Variants in BOD1L1 observed in about 807,000 individuals in gnomAD.
BOD1L1 encodes biorientation of chromosomes in cell division protein 1-like 1.
BOD1L1 carries 86 observed loss-of-function variants against 240.7 expected under a neutral mutation model. The observed-to-expected ratio is 0.36, with a 90% confidence interval of 0.30 to 0.43. The LOEUF (loss-of-function observed/expected upper bound fraction) is 0.43. Ranked by LOEUF, BOD1L1 falls within the 20% of genes least tolerant of loss-of-function variation. The pLI, the probability that BOD1L1 is intolerant of heterozygous loss-of-function variation, is 1.00. For missense variants in BOD1L1, 3,554 were observed against 3,643.5 expected (o/e 0.98, Z 0.63); for synonymous variants, 1,268 against 1,272.3 (o/e 1.00, Z 0.07).
intron 17 of BOD1L1, among the ~76,000 whole-genome samples, chr4:13,584,441 A>AGAGAGTGT (rs1476066597): frequency 7.4e-6 from 1 of 134,814 alleles, no homozygotes. Context: ...AGAGAGAGAG[A>AGAGAGTGT]GTGTGTGTGT....
rs146851614 is a variant in BOD1L1, at chr4:13,591,547, C to G, written c.8148+376G>C. Among the ~76,000 whole-genome samples the G allele has an allele frequency of 6.2e-4, 95 of 152,276 alleles. 1 individual carries two copies. In the East Asian group the frequency reaches 0.018, roughly 28 times the overall value. ...TCTGGGAAAAAATATGTACACATAGCAGTTACAGGTTAGTATCTTGAGAAA... is the reference window on the plus strand; with the variant it reads ...TCTGGGAAAAAATATGTACACATAGGAGTTACAGGTTAGTATCTTGAGAAA... On this transcript the variant is annotated intron_variant, in intron 13 of 25. Coordinates refer to ENST00000040738, the MANE Select transcript of BOD1L1 (RefSeq NM_148894.3).
chr4:13,577,798 A>T, intron 22 of BOD1L1, 167 bp from the exon 23 acceptor site: 1 of 464,478 alleles, frequency 2.2e-6, no homozygotes, highest in Non-Finnish European at 3.8e-6. Flanking sequence ...CCTAGCAGAG[A>T]TCACATTGGA....
Position 13,590,409 on chromosome 4 carries a change from T to A in BOD1L1, c.8186A>T (p.His2729Leu), listed in dbSNP as rs147488691. Residue 2729 changes from histidine (H) to leucine (L), a missense_variant, in exon 14 of 26, where the codon CAT becomes CTT. By Grantham distance (99) the His-to-Leu change is moderately conservative. Transcript: ENST00000040738. ...NSGFRTNEEIHSESYNKGEIS... is the reference protein window; with the variant it reads ...NSGFRTNEEILSESYNKGEIS... Reference sequence around the variant, plus strand: ...ACCTCCTTTGTTATAAGATTCGCTATGAATTTCTTCATTTGTTCTGAAGCC... The same window carrying A: ...ACCTCCTTTGTTATAAGATTCGCTAAGAATTTCTTCATTTGTTCTGAAGCC... 1.3e-6 allele frequency: 2 copies of A among 1,516,472 alleles called. No individual in the cohort carries two copies. Among genetic ancestry groups the A allele is most frequent in the East Asian group, 2.3e-5 (1 of 43,112 alleles). The allele number at this position is 1,516,472 out of a possible 1,614,324, so 93.9% of individuals were successfully genotyped here.
chr4:13,615,202 T>G (rs1456698879), intron 3 of BOD1L1, 110 bp downstream of exon 3: 2 of 1,127,056 alleles, frequency 1.8e-6, no homozygotes, highest in Non-Finnish European at 2.5e-6. Flanking sequence ...AAGTACAATT[T>G]CATTGGAATA....
At chr4:13,570,533 G>C (rs995638248) in intron 25 of BOD1L1, among the ~76,000 whole-genome samples, 2 of 152,206 alleles carry the variant, frequency 1.3e-5, no homozygotes, top group Non-Finnish European at 2.9e-5. Context: ...CTGCAATCTA[G>C]GTTGGACCAA....
At chr4:13,584,430 AAG>A (rs776383948) in intron 17 of BOD1L1, among the ~76,000 whole-genome samples, 110 of 109,994 alleles carry the variant, frequency 1.0e-3, no homozygotes, top group African/African-American at 2.9e-3. Context: ...CGGGGAGAGA[AAG>A]AGAGAGAGAG....
chr4:13,578,986 G>C (rs1458693395), intron 22 of BOD1L1, among the ~76,000 whole-genome samples: 1 of 152,192 alleles, frequency 6.6e-6, no homozygotes, highest in Non-Finnish European at 1.5e-5. Context: ...GTAAAGATTA[G>C]TTCAATGCAC....
At chr4:13,582,165 A>G (rs1713283822) in intron 19 of BOD1L1, 72 bp downstream of exon 19, 1 of 1,273,476 alleles carries the variant, frequency 7.9e-7, no homozygotes, top group African/African-American at 1.5e-5. Context: ...TCAAGATAAC[A>G]GTATTTAATG....
intron 17 of BOD1L1, among the ~76,000 whole-genome samples, chr4:13,583,316 A>T (rs932981243): frequency 6.6e-6 from 1 of 152,232 alleles, no homozygotes; most frequent in African/African-American, 2.4e-5. Context: ...GATCAAGATG[A>T]AATAGGAAAC....
intron 17 of BOD1L1, among the ~76,000 whole-genome samples, chr4:13,583,472 CG>C (rs1280003765): frequency 1.3e-5 from 2 of 152,132 alleles, no homozygotes; most frequent in African/African-American, 4.8e-5. Context: ...CCCTCACCCC[CG>C]ATTTCCCTAC....
intron 6 of BOD1L1, 139 bp from the exon 7 acceptor site, chr4:13,609,545 C>CAT (rs1193143924): frequency 5.9e-6 from 3 of 508,904 alleles, no homozygotes; most frequent in Non-Finnish European, 1.0e-5. Flanking sequence ...ACATACACTA[C>CAT]ATATATATAC....
chr4:13,596,655 C>T lies in BOD1L1; in HGVS notation c.8019+449G>A, dbSNP rs180852054. On this transcript the variant is annotated intron_variant, in intron 11 of 25. Coordinates refer to ENST00000040738, the MANE Select transcript of BOD1L1 (RefSeq NM_148894.3). ...CCACAAATTTTAAGCAGAGCAATGACAGGGCCTAAGTTATGTTTCTAATGA... is the reference window on the plus strand; with the variant it reads ...CCACAAATTTTAAGCAGAGCAATGATAGGGCCTAAGTTATGTTTCTAATGA... Among the ~76,000 whole-genome samples the T allele has an allele frequency of 1.3e-4, 19 of 151,570 alleles. No individual in the cohort carries two copies. The East Asian group carries it at 2.9e-3, about 23-fold the overall frequency.
chr4:13,595,554 G>A (rs76746397), intron 12 of BOD1L1, among the ~76,000 whole-genome samples: 3,620 of 152,270 alleles, frequency 0.024, 65 homozygotes, highest in Non-Finnish European at 0.034. Flanking sequence ...GGACAGGCAG[G>A]GGTATGGAGA....
chr4:13,596,044 C>A lies in BOD1L1; in HGVS notation c.8020-100G>T. 4 of 926,506 alleles carry A rather than the reference C, an allele frequency of 4.3e-6. No individual in the cohort carries two copies. In the South Asian group the frequency reaches 6.1e-5, roughly 14 times the overall value. 57.4% of individuals were successfully genotyped at this position (926,506 alleles called of 1,614,324 possible). A position where few individuals can be genotyped will look rare whatever the true frequency, so the allele number is the denominator to read the frequency against. ...CAAAAAAAAACCCAGCATCCTGAAA[C>A]AATATAAAAGCCTATTTTCAAGAGT... On this transcript the variant is annotated intron_variant, in intron 11 of 25. Transcript: ENST00000040738.
intron 2 of BOD1L1, among the ~76,000 whole-genome samples, chr4:13,617,664 A>G (rs1716719013): frequency 6.6e-6 from 1 of 152,178 alleles, no homozygotes; most frequent in African/African-American, 2.4e-5. Context: ...GTAGAATAAA[A>G]TTTTCCCTCC....
chr4:13,579,028 C>T (rs1242143581), intron 22 of BOD1L1, among the ~76,000 whole-genome samples: 1 of 152,296 alleles, frequency 6.6e-6, no homozygotes. Context: ...GGATGTTCAT[C>T]AGGCACTCAA....
In BOD1L1 at chr4:13,577,454, G is replaced by A. The variant is rs137925303; in HGVS notation, c.8833C>T (p.Arg2945Cys). ...DGEEKIVTSV[R>C]RRGRKPKRSL... ...CGTTTGGGTTTTCTTCCTCTCCGAC[G>A]CACACTTGTTACTATTTTTTCTTCA... Residue 2945 changes from arginine (R) to cysteine (C), a missense_variant, in exon 24 of 26, where the codon CGT (arginine) becomes TGT (cysteine). Coordinates refer to ENST00000040738, the MANE Select transcript of BOD1L1 (RefSeq NM_148894.3). 391 of 1,613,562 alleles carry A rather than the reference G, an allele frequency of 2.4e-4. No individual in the cohort carries two copies. The African/African-American group carries it at 4.1e-3, about 17-fold the overall frequency.
At chr4:13,586,754 C>A (rs939852034) in intron 16 of BOD1L1, among the ~76,000 whole-genome samples, 5 of 152,156 alleles carry the variant, frequency 3.3e-5, no homozygotes, top group African/African-American at 1.2e-4. Context: ...GTATAGTTTC[C>A]AGAGATACTT....
intron 1 of BOD1L1, among the ~76,000 whole-genome samples, chr4:13,621,744 C>T (rs1717052440): frequency 6.6e-6 from 1 of 152,198 alleles, no homozygotes; most frequent in South Asian, 2.1e-4. Context: ...CATTTTATCC[C>T]TCTGATGCCC....
Sources: gnomAD v4.1 joint callset for allele counts (sites outside exome capture counted in the v4.1 genomes callset) on GRCh38, gnomAD v4.1.1 for gene constraint, MANE v1.5 for transcripts, NCBI Gene and HGNC (gene_info 2026-07-23, HGNC 2026-07-21) for gene names.